The following PPP2R2B variants were observed in gnomAD, a reference collection of about 807,000 sequenced individuals.
PPP2R2B encodes protein phosphatase 2 regulatory subunit Bbeta, also known as serine/threonine-protein phosphatase 2A 55 kDa regulatory subunit B beta isoform.
Under a neutral mutation model 46.0 loss-of-function variants are expected in PPP2R2B, and 5 were observed. That is an observed-to-expected ratio of 0.11 (90% CI 0.06 to 0.23). The LOEUF is 0.23. Among genes scored for constraint, PPP2R2B ranks in the 10% least tolerant of loss-of-function variants. The probability of loss-of-function intolerance (pLI) is 1.00; values close to 1 mark genes in which losing one functional copy is unlikely to be tolerated. For synonymous variants in PPP2R2B, 215 were observed against 206.7 expected, an observed-to-expected ratio of 1.04 and a Z score of -0.34; for missense variants, 367 against 575.0, an observed-to-expected ratio of 0.64 and a Z score of 3.70.
chr5:146,972,095 C>A (rs2400235), intron 1 of PPP2R2B, among the ~76,000 whole-genome samples: 111,641 of 152,048 alleles, frequency 0.73, 41,768 homozygotes, highest in Admixed American at 0.83. Context: ...ACAGTCTCTC[C>A]GTCTTCCTTT....
At chr5:146,682,074 G>T (rs142787326) in intron 5 of PPP2R2B, among the ~76,000 whole-genome samples, 3 of 152,248 alleles carry the variant, frequency 2.0e-5, no homozygotes, top group African/African-American at 7.2e-5. Context: ...AAGAGAACTC[G>T]ATCCTAAACC....
chr5:146,937,882 T>C (rs1355557270), intron 1 of PPP2R2B, among the ~76,000 whole-genome samples: 1 of 152,204 alleles, frequency 6.6e-6, no homozygotes, highest in Non-Finnish European at 1.5e-5. Flanking sequence ...ATTCATTACA[T>C]GGTTTTTATG....
chr5:147,024,094 A>T (rs2151886995), intron 1 of PPP2R2B, among the ~76,000 whole-genome samples: 2 of 152,276 alleles, frequency 1.3e-5, no homozygotes, highest in Middle Eastern at 6.8e-3. Context: ...CAGATAGCAT[A>T]TCATGGGACT....
chr5:146,814,140 G>T (rs1233397784), intron 2 of PPP2R2B, among the ~76,000 whole-genome samples: 1 of 151,370 alleles, frequency 6.6e-6, no homozygotes, highest in East Asian at 1.9e-4. Flanking sequence ...GCATCAGAAT[G>T]GGGGTAAAAC....
chr5:147,034,429 A>G (rs901499703), intron 1 of PPP2R2B, among the ~76,000 whole-genome samples: 3 of 152,176 alleles, frequency 2.0e-5, no homozygotes, highest in Non-Finnish European at 4.4e-5. Context: ...ATAATAAAAT[A>G]ATGACCCATA....
chr5:146,653,101 G>A (rs1390766943), intron 5 of PPP2R2B, among the ~76,000 whole-genome samples: 1 of 152,080 alleles, frequency 6.6e-6, no homozygotes, highest in Non-Finnish European at 1.5e-5. Context: ...TGTGAAATAG[G>A]TACTCATACA....
intron 1 of PPP2R2B, among the ~76,000 whole-genome samples, chr5:147,034,627 C>T (rs1219969347): frequency 2.6e-5 from 4 of 152,108 alleles, no homozygotes; most frequent in Non-Finnish European, 4.4e-5. Context: ...TACCCTGTCT[C>T]TTCTTATAGA....
intron 1 of PPP2R2B, among the ~76,000 whole-genome samples, chr5:146,943,079 G>A (rs1210850941): frequency 6.6e-6 from 1 of 152,088 alleles, no homozygotes; most frequent in Admixed American, 6.6e-5. Flanking sequence ...TTACAGGCGT[G>A]AACTACTACG....
intron 1 of PPP2R2B, among the ~76,000 whole-genome samples, chr5:147,053,214 TAA>T (rs746583520): frequency 2.0e-4 from 16 of 80,956 alleles, no homozygotes; most frequent in Non-Finnish European, 4.6e-4. Context: ...CTTCCTGCAT[TAA>T]AAAAAAAAAA....
chr5:147,072,122 T>A (rs1757619745), intron 2 of PPP2R2B, among the ~76,000 whole-genome samples: 1 of 152,230 alleles, frequency 6.6e-6, no homozygotes, highest in Admixed American at 6.5e-5. Flanking sequence ...TTGGACAATT[T>A]AAAACTTATC....
At chr5:147,063,404 A>G (rs1362874010) in intron 2 of PPP2R2B, among the ~76,000 whole-genome samples, 5 of 152,354 alleles carry the variant, frequency 3.3e-5, no homozygotes, top group African/African-American at 9.6e-5. Flanking sequence ...TTTTAAATAT[A>G]TAAAGCAGAT....
At position 146,990,839 on chromosome 5, in the gene PPP2R2B, A is replaced by T. The variant is rs572580376; in HGVS notation, c.79+64826T>A. On this transcript the variant is annotated intron_variant, in intron 1 of 8. Coordinates refer to the PPP2R2B transcript ENST00000336640. ...AATGGATTATTATTCAGAATATATA[A>T]GAAACTCAATGATTCAATAGCAAAA... 5.9e-4 allele frequency among the ~76,000 whole-genome samples: 90 copies of T among 152,242 alleles called. No individual in the cohort carries two copies. The South Asian group carries it at 0.017, about 28-fold the overall frequency.
intron 8 of PPP2R2B, 122 bp from the exon 9 acceptor site, chr5:146,593,184 G>A (rs1415645236): frequency 2.2e-6 from 2 of 889,412 alleles, no homozygotes; most frequent in Non-Finnish European, 3.6e-6. Context: ...TGAATCAGAT[G>A]GCCTTGGATC....
intron 1 of PPP2R2B, among the ~76,000 whole-genome samples, chr5:146,895,999 T>G (rs533681952): frequency 1.3e-4 from 20 of 152,212 alleles, no homozygotes; most frequent in African/African-American, 4.1e-4. Context: ...TGTTTGACAA[T>G]TCATCGGGCT....
intron 4 of PPP2R2B, among the ~76,000 whole-genome samples, chr5:146,696,730 C>G (rs1581897982): frequency 1.3e-5 from 2 of 152,160 alleles, no homozygotes; most frequent in South Asian, 2.1e-4. Flanking sequence ...GAGTAGAGAT[C>G]TGGTCATGAG....
chr5:146,944,982 A>G (rs966321329), intron 1 of PPP2R2B, among the ~76,000 whole-genome samples: 4 of 152,170 alleles, frequency 2.6e-5, no homozygotes, highest in Non-Finnish European at 5.9e-5. Flanking sequence ...TCTTTGACAA[A>G]TATGTTCTAA....
At chr5:146,960,509 C>G (rs1413239103) in intron 1 of PPP2R2B, among the ~76,000 whole-genome samples, 2 of 152,102 alleles carry the variant, frequency 1.3e-5, no homozygotes, top group Non-Finnish European at 2.9e-5. Flanking sequence ...AGGCTGGTCT[C>G]AAACTCCTGA....
chr5:146,661,313 A>G (rs1247165941), intron 5 of PPP2R2B, among the ~76,000 whole-genome samples: 1 of 152,134 alleles, frequency 6.6e-6, no homozygotes, highest in Non-Finnish European at 1.5e-5. Context: ...TCTTAAGGAC[A>G]CTCTCCTGGA....
intron 2 of PPP2R2B, among the ~76,000 whole-genome samples, chr5:146,832,377 A>ATATTTTTT (rs1443028400): frequency 9.6e-6 from 1 of 104,298 alleles, no homozygotes. Flanking sequence ...GCCATTTTTA[A>ATATTTTTT]TCTTTTTTTT....
Sources: allele counts gnomAD v4.1 joint callset (sites outside exome capture counted in the v4.1 genomes callset), GRCh38; gene constraint gnomAD v4.1.1; transcripts MANE v1.5; gene names NCBI Gene and HGNC (gene_info 2026-07-23, HGNC 2026-07-21).